CACNA2D1: variants seen among roughly 807,000 people sequenced by gnomAD.
The protein encoded by CACNA2D1 is voltage-dependent calcium channel subunit alpha-2/delta-1.
CACNA2D1 carries 53 observed loss-of-function variants against 171.5 expected under a neutral mutation model. The ratio of observed to expected loss-of-function variants is 0.31; its 90% CI spans 0.25 to 0.39. The LOEUF (loss-of-function observed/expected upper bound fraction) is 0.39. CACNA2D1 is among the 10% of genes least tolerant of loss of function. The pLI, the probability that CACNA2D1 is intolerant of heterozygous loss-of-function variation, is 1.00. For missense variants in CACNA2D1, 903 were observed against 1,299.8 expected (o/e 0.69, Z 4.69); for synonymous variants, 442 against 443.1 (o/e 1.00, Z 0.03).
At chr7:81,955,989 T>A (rs1363784204) in intron 38 of CACNA2D1, among the ~76,000 whole-genome samples, 17 of 123,824 alleles carry the variant, frequency 1.4e-4, no homozygotes, top group African/African-American at 3.9e-4. Flanking sequence ...TATTTTTTTT[T>A]TTTTTTTTTT....
intron 1 of CACNA2D1, among the ~76,000 whole-genome samples, chr7:82,418,479 T>C (rs1164871504): frequency 1.3e-5 from 2 of 152,194 alleles, no homozygotes; most frequent in Non-Finnish European, 2.9e-5. Context: ...GAAGCAGAGA[T>C]ACTACTTTTT....
chr7:82,250,849 A>C (rs191003274), intron 3 of CACNA2D1, among the ~76,000 whole-genome samples: 5 of 152,212 alleles, frequency 3.3e-5, no homozygotes, highest in African/African-American at 1.2e-4. Flanking sequence ...TATCACTAGC[A>C]TTTTTCCCAG....
chr7:82,132,186 T>G (rs1791068090), intron 5 of CACNA2D1, among the ~76,000 whole-genome samples: 1 of 152,190 alleles, frequency 6.6e-6, no homozygotes, highest in Admixed American at 6.5e-5. Flanking sequence ...TATATTCATT[T>G]TACTATAGAA....
intron 6 of CACNA2D1, among the ~76,000 whole-genome samples, chr7:82,111,440 A>ATTTT (rs1563065500): frequency 1.0e-5 from 1 of 99,748 alleles, no homozygotes; most frequent in African/African-American, 4.1e-5. Context: ...ATATATATAT[A>ATTTT]TATATTTTTT....
intron 3 of CACNA2D1, among the ~76,000 whole-genome samples, chr7:82,310,565 GTTT>G (rs1193495279): frequency 6.6e-6 from 1 of 151,750 alleles, no homozygotes; most frequent in African/African-American, 2.4e-5. Flanking sequence ...GCTATAATTT[GTTT>G]TTTTCTTTTG....
chr7:81,990,148 T>C (rs1797391166), intron 21 of CACNA2D1, among the ~76,000 whole-genome samples: 1 of 152,146 alleles, frequency 6.6e-6, no homozygotes, highest in African/African-American at 2.4e-5. Context: ...ACATCATCTA[T>C]GTCAATGCTA....
chr7:82,311,623 T>C (rs938667038), intron 3 of CACNA2D1, among the ~76,000 whole-genome samples: 1 of 152,228 alleles, frequency 6.6e-6, no homozygotes, highest in African/African-American at 2.4e-5. Context: ...TTTACCTTTC[T>C]ACTGCTCTCT....
intron 7 of CACNA2D1, 55 bp downstream of exon 7, chr7:82,084,714 T>C (rs1810239687): frequency 1.3e-6 from 2 of 1,590,986 alleles, no homozygotes; most frequent in South Asian, 2.2e-5. Flanking sequence ...AACAGAGTAT[T>C]CTCCAGAAAC....
intron 6 of CACNA2D1, among the ~76,000 whole-genome samples, chr7:82,106,792 TATATG>T (rs1171085683): frequency 7.2e-5 from 11 of 152,174 alleles, no homozygotes; most frequent in Admixed American, 6.5e-4. Context: ...TGTGGAAAAA[TATATG>T]ATATGATATT....
chr7:81,983,910 C>A (rs1415121404), intron 22 of CACNA2D1, among the ~76,000 whole-genome samples: 3 of 152,090 alleles, frequency 2.0e-5, no homozygotes, highest in Admixed American at 2.0e-4. Flanking sequence ...ACTTCATCCT[C>A]ACAGAAAAAT....
At chr7:82,079,007 T>C (rs1372085783) in intron 7 of CACNA2D1, among the ~76,000 whole-genome samples, 1 of 152,230 alleles carries the variant, frequency 6.6e-6, no homozygotes, top group Admixed American at 6.5e-5. Context: ...AGCAGGTTCA[T>C]GTTCAGTCCA....
At chr7:82,308,568 A>G (rs1814030535) in intron 3 of CACNA2D1, among the ~76,000 whole-genome samples, 1 of 152,144 alleles carries the variant, frequency 6.6e-6, no homozygotes, top group African/African-American at 2.4e-5. Context: ...CAACTCTCCA[A>G]TATTTTGCTG....
At chr7:82,001,652 C>A in intron 18 of CACNA2D1, 1 of 1,177,034 alleles carries the variant, frequency 8.5e-7, no homozygotes, top group South Asian at 1.3e-5. Context: ...CCTTCATTCA[C>A]AGTTACCTGG....
intron 32 of CACNA2D1, among the ~76,000 whole-genome samples, chr7:81,965,086 C>A (rs891806058): frequency 6.6e-6 from 1 of 151,570 alleles, no homozygotes; most frequent in African/African-American, 2.4e-5. Context: ...TCCTGTCATC[C>A]AGAAAAAAAA....
chr7:82,110,446 C>T (rs1226596129), intron 6 of CACNA2D1, among the ~76,000 whole-genome samples: 1 of 152,132 alleles, frequency 6.6e-6, no homozygotes, highest in Non-Finnish European at 1.5e-5. Context: ...ACCTGCACCT[C>T]GATCTTGGAC....
chr7:82,227,376 A>C (rs112663710), intron 3 of CACNA2D1, among the ~76,000 whole-genome samples: 1 of 152,194 alleles, frequency 6.6e-6, no homozygotes, highest in Admixed American at 6.6e-5. Context: ...TATAATGACA[A>C]AGTTGACAAC....
chr7:82,002,532 A>T (rs1176124110), intron 18 of CACNA2D1, among the ~76,000 whole-genome samples: 1 of 152,230 alleles, frequency 6.6e-6, no homozygotes, highest in East Asian at 1.9e-4. Context: ...TATCTATGAA[A>T]CTAATAGAGA....
intron 11 of CACNA2D1, among the ~76,000 whole-genome samples, chr7:82,034,379 G>A (rs1000984588): frequency 3.9e-5 from 6 of 152,002 alleles, no homozygotes; most frequent in South Asian, 2.1e-4. Flanking sequence ...TAAATACAAC[G>A]TTTTTCTTTA....
chr7:82,091,777 C>G (rs1811203264), intron 6 of CACNA2D1, among the ~76,000 whole-genome samples: 1 of 152,100 alleles, frequency 6.6e-6, no homozygotes, highest in African/African-American at 2.4e-5. Context: ...TTAGTAGTAT[C>G]AAAACCAAAT....
Sources: gnomAD v4.1 joint callset for allele counts (sites outside exome capture counted in the v4.1 genomes callset) on GRCh38, gnomAD v4.1.1 for gene constraint, MANE v1.5 for transcripts, NCBI Gene and HGNC (gene_info 2026-07-23, HGNC 2026-07-21) for gene names.